Variants in CEP85L observed in about 807,000 individuals in gnomAD.
The protein encoded by CEP85L is centrosomal protein of 85 kDa-like.
CEP85L carries 60 observed loss-of-function variants against 100.3 expected under a neutral mutation model. The ratio of observed to expected loss-of-function variants is 0.60; its 90% CI spans 0.49 to 0.74. The LOEUF is 0.74. CEP85L is among the 30% of genes least tolerant of loss of function. The probability of loss-of-function intolerance (pLI) is 0.00; values close to 1 mark genes in which losing one functional copy is unlikely to be tolerated. For synonymous variants in CEP85L, 319 were observed against 322.7 expected (o/e 0.99, Z 0.12); for missense variants, 973 against 936.2 (o/e 1.04, Z -0.51).
intron 2 of CEP85L, among the ~76,000 whole-genome samples, chr6:118,601,694 T>C (rs1012218331): frequency 2.6e-5 from 4 of 152,298 alleles, no homozygotes; most frequent in African/African-American, 9.6e-5. Context: ...TTTGATGATA[T>C]GCTAAACAGG....
chr6:118,602,065 T>C (rs1432878419), intron 2 of CEP85L, among the ~76,000 whole-genome samples: 6 of 152,120 alleles, frequency 3.9e-5, no homozygotes, highest in Admixed American at 3.9e-4. Context: ...CTCCCTTTTA[T>C]AAGAGAACCC....
upstream of CEP85L, chr6:118,652,814 G>A: frequency 8.8e-7 from 1 of 1,142,644 alleles, no homozygotes; most frequent in South Asian, 1.4e-5. Context: ...TGTTTCTGAT[G>A]ATAAAAAGAT....
chr6:118,675,179 TGAACTTTGAA>T (rs771065218), intron 1 of CEP85L, among the ~76,000 whole-genome samples: 7,025 of 152,136 alleles, frequency 0.046, 194 homozygotes, highest in Admixed American at 0.061. Flanking sequence ...ACAACATGGA[TGAACTTTGAA>T]AACATTATAC....
intron 1 of CEP85L, among the ~76,000 whole-genome samples, chr6:118,672,502 C>T (rs527240322): frequency 6.6e-6 from 1 of 152,104 alleles, no homozygotes; most frequent in Admixed American, 6.5e-5. Context: ...CATTGTGGCT[C>T]ACATCTGTAA....
chr6:118,635,684 C>T (rs1774448807), intron 1 of CEP85L, among the ~76,000 whole-genome samples: 1 of 152,150 alleles, frequency 6.6e-6, no homozygotes, highest in Non-Finnish European at 1.5e-5. Flanking sequence ...GAATTAAAAC[C>T]CTTGCTTTTA....
chr6:118,567,499 A>C (rs1779623228), intron 2 of CEP85L, among the ~76,000 whole-genome samples: 1 of 152,046 alleles, frequency 6.6e-6, no homozygotes, highest in Non-Finnish European at 1.5e-5. Context: ...TAAATACTCA[A>C]TAAATTTACC....
chr6:118,504,181 C>T (rs533826631), intron 5 of CEP85L, among the ~76,000 whole-genome samples: 2 of 152,238 alleles, frequency 1.3e-5, no homozygotes, highest in East Asian at 3.9e-4. Flanking sequence ...CGAGATTGGC[C>T]TGGCCAACCT....
In CEP85L at chr6:118,470,612, C is replaced by T; in HGVS notation, c.1947G>A (p.Leu649=). ...GCTCTTCCATCATCTTTTGAGTGGTCAGTTTCTCTTTAGAAAGCTTTCCTT... is the reference window on the plus strand; with the variant it reads ...GCTCTTCCATCATCTTTTGAGTGGTTAGTTTCTCTTTAGAAAGCTTTCCTT... ...SMQGKLSKEK[L]TTQKMMEELE... The change falls in exon 11 of 13, where the codon CTG becomes CTA. Residue 649 remains leucine, a synonymous_variant. Transcript: ENST00000368491. The T allele has an allele frequency of 6.2e-7, 1 of 1,604,624 alleles. No individual in the cohort carries two copies. The highest frequency in any genetic ancestry group is 2.3e-5 in the East Asian group (1 of 44,108).
chr6:118,553,709 T>C (rs1302556313), intron 3 of CEP85L, among the ~76,000 whole-genome samples: 1 of 152,198 alleles, frequency 6.6e-6, no homozygotes, highest in African/African-American at 2.4e-5. Flanking sequence ...TTAGCTGTTG[T>C]AGGATTATAA....
chr6:118,466,668 T>G (rs961070275), intron 12 of CEP85L, among the ~76,000 whole-genome samples: 5 of 152,110 alleles, frequency 3.3e-5, no homozygotes, highest in Non-Finnish European at 7.4e-5. Context: ...GAGTACAAAC[T>G]GTGACAAAGG....
chr6:118,527,077 G>A (rs573402855), intron 3 of CEP85L, among the ~76,000 whole-genome samples: 2 of 145,910 alleles, frequency 1.4e-5, no homozygotes, highest in Admixed American at 7.0e-5. Context: ...GTGCGATGGC[G>A]CGATAGAGCT....
chr6:118,621,873 G>A (rs1476692656), intron 2 of CEP85L, among the ~76,000 whole-genome samples: 1 of 152,200 alleles, frequency 6.6e-6, no homozygotes, highest in Admixed American at 6.5e-5. Context: ...TCTATATTCT[G>A]ATAAAGGAGA....
At chr6:118,659,418 T>C (rs1775900897) in intron 1 of CEP85L, among the ~76,000 whole-genome samples, 1 of 152,224 alleles carries the variant, frequency 6.6e-6, no homozygotes, top group Non-Finnish European at 1.5e-5. Flanking sequence ...TACAGTAATC[T>C]CCTAATGAAG....
chr6:118,553,076 C>T (rs902211848), intron 3 of CEP85L, among the ~76,000 whole-genome samples: 1 of 152,024 alleles, frequency 6.6e-6, no homozygotes, highest in African/African-American at 2.4e-5. Context: ...TATACAAGTT[C>T]AGAAAATCCC....
At chr6:118,595,477 T>G (rs1781416004) in intron 2 of CEP85L, among the ~76,000 whole-genome samples, 1 of 152,208 alleles carries the variant, frequency 6.6e-6, no homozygotes, top group Non-Finnish European at 1.5e-5. Flanking sequence ...GCTGAGATTC[T>G]CATGTAATCC....
At chr6:118,571,894 T>C (rs1779910773) in intron 2 of CEP85L, among the ~76,000 whole-genome samples, 1 of 152,214 alleles carries the variant, frequency 6.6e-6, no homozygotes, top group Non-Finnish European at 1.5e-5. Flanking sequence ...TTTGCTCTTG[T>C]TGCCCAGGCT....
At chr6:118,699,500 C>T (rs572255820) in intron 1 of CEP85L, among the ~76,000 whole-genome samples, 10 of 150,932 alleles carry the variant, frequency 6.6e-5, no homozygotes, top group African/African-American at 2.2e-4. Flanking sequence ...TTAACGAACA[C>T]AACACCAAAG....
At chr6:118,699,454 C>CAAAA (rs34344065) in intron 1 of CEP85L, among the ~76,000 whole-genome samples, 1 of 138,658 alleles carries the variant, frequency 7.2e-6, no homozygotes, top group Non-Finnish European at 1.5e-5. Context: ...GACCTTGTCT[C>CAAAA]AAAAAAAAAA....
At chr6:118,619,483 T>C (rs1195828019) in intron 2 of CEP85L, among the ~76,000 whole-genome samples, 5 of 152,212 alleles carry the variant, frequency 3.3e-5, no homozygotes, top group South Asian at 4.2e-4. Flanking sequence ...AAACCCACAA[T>C]TGCCTCCATA....
Sources: gnomAD v4.1 joint callset for allele counts (sites outside exome capture counted in the v4.1 genomes callset) on GRCh38, gnomAD v4.1.1 for gene constraint, MANE v1.5 for transcripts, NCBI Gene and HGNC (gene_info 2026-07-23, HGNC 2026-07-21) for gene names.